The following IDE variants were observed in gnomAD, a reference collection of about 807,000 sequenced individuals.
IDE encodes insulin-degrading enzyme.
Under a neutral mutation model 133.2 loss-of-function variants are expected in IDE, and 58 were observed. The observed-to-expected ratio is 0.44, with a 90% CI of 0.35 to 0.54. IDE has a LOEUF of 0.54. Ranked by LOEUF, IDE falls within the 20% of genes least tolerant of loss-of-function variation. The pLI, the probability that IDE is intolerant of heterozygous loss-of-function variation, is 0.00. For synonymous variants in IDE, 396 were observed against 421.3 expected, an observed-to-expected ratio of 0.94 and a Z score of 0.73; for missense variants, 981 against 1,234.0, an observed-to-expected ratio of 0.79 and a Z score of 3.07.
At chr10:92,561,668 A>G (rs1260007177) in intron 1 of IDE, among the ~76,000 whole-genome samples, 1 of 151,956 alleles carries the variant, frequency 6.6e-6, no homozygotes, top group African/African-American at 2.4e-5. Flanking sequence ...AGGCTGAGGC[A>G]GGAGAATGGC....
At chr10:92,516,187 A>G (rs1463004524) in intron 4 of IDE, among the ~76,000 whole-genome samples, 1 of 146,724 alleles carries the variant, frequency 6.8e-6, no homozygotes, top group Admixed American at 6.8e-5. Context: ...CTCCGTCTCA[A>G]AAAAAAAAAA....
At chr10:92,545,660 C>T (rs17107734) in intron 1 of IDE, among the ~76,000 whole-genome samples, 15,341 of 152,212 alleles carry the variant, frequency 0.1, 899 homozygotes, top group South Asian at 0.17. Flanking sequence ...ATTATTGAGG[C>T]TTCAGTGGTG....
At chr10:92,570,471 G>T (rs1217680726) in intron 1 of IDE, among the ~76,000 whole-genome samples, 2 of 152,122 alleles carry the variant, frequency 1.3e-5, no homozygotes, top group Admixed American at 6.5e-5. Context: ...AAATGAGAAG[G>T]CTCCAGAACC....
intron 21 of IDE, among the ~76,000 whole-genome samples, chr10:92,461,737 T>TTA (rs1420381149): frequency 6.6e-6 from 1 of 151,880 alleles, no homozygotes; most frequent in Non-Finnish European, 1.5e-5. Flanking sequence ...CGATCTCAGC[T>TTA]CACTGTAAGC....
At chr10:92,464,092 T>C in intron 20 of IDE, 89 bp from the exon 21 acceptor site, 1 of 1,330,266 alleles carries the variant, frequency 7.5e-7, no homozygotes. Context: ...TCTGAGCAAA[T>C]AAAATCTAGT....
chr10:92,548,722 T>C (rs983313929), intron 1 of IDE, among the ~76,000 whole-genome samples: 10 of 152,196 alleles, frequency 6.6e-5, no homozygotes, highest in Non-Finnish European at 1.2e-4. Flanking sequence ...AGGCTGATAA[T>C]AGGATTATAC....
chr10:92,522,621 T>A (rs1434957935), intron 4 of IDE, among the ~76,000 whole-genome samples: 1 of 152,204 alleles, frequency 6.6e-6, no homozygotes, highest in Non-Finnish European at 1.5e-5. Context: ...GCTAAGATCC[T>A]GGAGAAATAA....
intron 15 of IDE, among the ~76,000 whole-genome samples, chr10:92,479,055 C>T (rs187205629): frequency 2.6e-4 from 39 of 150,428 alleles, no homozygotes; most frequent in Non-Finnish European, 4.1e-4. Context: ...TGATGAAAGA[C>T]GTTTAAAAAA....
At chr10:92,495,020 C>G (rs1589421065) in intron 11 of IDE, among the ~76,000 whole-genome samples, 1 of 152,068 alleles carries the variant, frequency 6.6e-6, no homozygotes, top group South Asian at 2.1e-4. Flanking sequence ...AAGTTAGGCA[C>G]AAGCCATTTA....
intron 13 of IDE, among the ~76,000 whole-genome samples, chr10:92,484,281 C>T (rs540157624): frequency 3.3e-5 from 5 of 152,116 alleles, no homozygotes; most frequent in African/African-American, 7.2e-5. Context: ...TGTGGTGGCT[C>T]GTGCCTGTAG....
At chr10:92,516,128 C>T (rs190343449) in intron 4 of IDE, among the ~76,000 whole-genome samples, 2 of 150,164 alleles carry the variant, frequency 1.3e-5, no homozygotes, top group Non-Finnish European at 3.0e-5. Flanking sequence ...GAAATCACGC[C>T]GAGTCAAGAT....
intron 11 of IDE, among the ~76,000 whole-genome samples, chr10:92,499,944 G>A (rs1344690651): frequency 1.3e-5 from 2 of 152,110 alleles, no homozygotes; most frequent in Non-Finnish European, 2.9e-5. Flanking sequence ...TAGTAGAACA[G>A]CACCATTTGT....
intron 5 of IDE, among the ~76,000 whole-genome samples, chr10:92,510,669 TCA>T (rs752539734): frequency 4.0e-5 from 6 of 151,508 alleles, no homozygotes; most frequent in South Asian, 4.2e-4. Flanking sequence ...CACATACATC[TCA>T]CATATATGAT....
chr10:92,491,028 A>G (rs1462923289), intron 11 of IDE, among the ~76,000 whole-genome samples: 1 of 152,166 alleles, frequency 6.6e-6, no homozygotes, highest in Non-Finnish European at 1.5e-5. Flanking sequence ...ACTTGAGCCC[A>G]GGAGTTCAAG....
In IDE at chr10:92,458,490, GTTTTTTTTT is replaced by G. The variant is rs71028821; in HGVS notation, c.2824-2068_2824-2060del. On this transcript the variant is annotated intron_variant, in intron 22 of 24. Coordinates refer to ENST00000265986, the MANE Select transcript of IDE (RefSeq NM_004969.4). ...AGGCCTGGTTATAAATACTCTCTCTGTTTTTTTTTTTTTTTTTTTTTTTTTTTTTGAGAT... is the reference window on the plus strand; with the variant it reads ...AGGCCTGGTTATAAATACTCTCTCTGTTTTTTTTTTTTTTTTTTTTGAGAT... 6.4e-3 allele frequency among the ~76,000 whole-genome samples: 537 copies of G among 83,842 alleles called. 4 individuals are homozygous for G. Among genetic ancestry groups the G allele is most frequent in the African/African-American group, 0.029 (512 of 17,916 alleles). 55.0% of individuals were successfully genotyped at this position (83,842 alleles called of 152,430 possible).
chr10:92,465,260 G>T (rs7899603), intron 20 of IDE, among the ~76,000 whole-genome samples: 7 of 151,956 alleles, frequency 4.6e-5, no homozygotes, highest in African/African-American at 9.7e-5. Context: ...TCTAAAACTG[G>T]GAACACTTGC....
At chr10:92,483,868 C>T (rs1457134346) in intron 13 of IDE, among the ~76,000 whole-genome samples, 3 of 152,190 alleles carry the variant, frequency 2.0e-5, no homozygotes, top group African/African-American at 7.2e-5. Context: ...TGATCACTCA[C>T]TTTCCCTCCT....
At position 92,507,270 on chromosome 10, in the gene IDE, C is replaced by G. The variant is rs191731008; in HGVS notation, c.1245+305G>C. 5.0e-3 allele frequency among the ~76,000 whole-genome samples: 760 copies of G among 152,244 alleles called. 7 individuals are homozygous for G. Among genetic ancestry groups the G allele is most frequent in the Non-Finnish European group, 7.2e-3 (491 of 68,022 alleles). On this transcript the variant is annotated intron_variant, in intron 9 of 24. Transcript: ENST00000265986. ...AGCTTCAGGCAGGGAGTAACATAAT[C>G]CCTGACATATTCCAGCTCAAGAAAC...
rs1466759016 is a variant in IDE, at chr10:92,456,475, G to T, written c.2824-44C>A. 3.0e-6 allele frequency: 4 copies of T among 1,312,038 alleles called. No individual in the cohort carries two copies. In the Admixed American group the frequency reaches 6.7e-5, roughly 22 times the overall value. 81.3% of individuals were successfully genotyped at this position (1,312,038 alleles called of 1,614,324 possible). A position where few individuals can be genotyped will look rare whatever the true frequency, so the allele number is the denominator to read the frequency against. On this transcript the variant is annotated intron_variant, in intron 22 of 24. Coordinates refer to ENST00000265986, the MANE Select transcript of IDE (RefSeq NM_004969.4). Reference sequence around the variant, plus strand: ...AGGGTCACCCTTTTGCTCCACTAAAGAACTTACAATGAGGTGTTCTCTGAA... The same window carrying T: ...AGGGTCACCCTTTTGCTCCACTAAATAACTTACAATGAGGTGTTCTCTGAA...
Sources: allele counts gnomAD v4.1 joint callset (sites outside exome capture counted in the v4.1 genomes callset), GRCh38; gene constraint gnomAD v4.1.1; transcripts MANE v1.5; gene names NCBI Gene and HGNC (gene_info 2026-07-23, HGNC 2026-07-21).